Variants in KCNMA1 observed in about 807,000 individuals in gnomAD.
KCNMA1 encodes Calcium-activated potassium channel subunit alpha-1.
Under a neutral mutation model 140.0 loss-of-function variants are expected in KCNMA1, and 29 were observed. The observed-to-expected ratio is 0.21, with a 90% CI of 0.15 to 0.28. KCNMA1 has a LOEUF of 0.28. KCNMA1 is among the 10% of genes least tolerant of loss of function. The pLI is 1.00. For synonymous variants in KCNMA1, 612 were observed against 611.9 expected, an observed-to-expected ratio of 1.00 and a Z score of 0.00; for missense variants, 880 against 1,602.2, an observed-to-expected ratio of 0.55 and a Z score of 7.70.
chr10:77,072,302 G>A (rs2096243544), intron 14 of KCNMA1, among the ~76,000 whole-genome samples: 3 of 152,224 alleles, frequency 2.0e-5, no homozygotes, highest in South Asian at 4.1e-4. Context: ...AACAGTCTAA[G>A]GATGAGGACT....
intron 1 of KCNMA1, among the ~76,000 whole-genome samples, chr10:77,524,376 G>A (rs138320385): frequency 6.6e-6 from 1 of 152,272 alleles, no homozygotes; most frequent in East Asian, 1.9e-4. Flanking sequence ...GAGAAGCTTT[G>A]GCAGAGTTTG....
At chr10:77,411,550 A>C (rs557625652) in intron 1 of KCNMA1, among the ~76,000 whole-genome samples, 1 of 152,186 alleles carries the variant, frequency 6.6e-6, no homozygotes, top group Non-Finnish European at 1.5e-5. Context: ...TCTGATGCCA[A>C]AAAGGGACAC....
At chr10:77,447,717 G>T (rs376454025) in intron 1 of KCNMA1, among the ~76,000 whole-genome samples, 2 of 152,148 alleles carry the variant, frequency 1.3e-5, no homozygotes, top group African/African-American at 4.8e-5. Flanking sequence ...AAGAACAGGG[G>T]CTCATTGGTA....
chr10:77,433,527 G>C (rs953660448), intron 1 of KCNMA1: 3 of 152,142 alleles, frequency 2.0e-5, no homozygotes, highest in African/African-American at 7.2e-5. Flanking sequence ...CAAATCTCTA[G>C]GTAATTCTTC....
intron 2 of KCNMA1, among the ~76,000 whole-genome samples, chr10:77,302,398 T>C (rs1203372468): frequency 2.6e-5 from 4 of 152,112 alleles, no homozygotes; most frequent in African/African-American, 9.7e-5. Flanking sequence ...TCTTGGTCAC[T>C]CTGTGGGCCA....
chr10:77,258,051 T>C (rs1301954088), intron 2 of KCNMA1, among the ~76,000 whole-genome samples: 2 of 152,186 alleles, frequency 1.3e-5, no homozygotes, highest in Middle Eastern at 3.2e-3. Flanking sequence ...TCTGCCCCTA[T>C]AAGCAACATG....
At chr10:77,307,103 A>G (rs997661164) in intron 2 of KCNMA1, among the ~76,000 whole-genome samples, 1 of 152,156 alleles carries the variant, frequency 6.6e-6, no homozygotes, top group Non-Finnish European at 1.5e-5. Context: ...ATTTAACCCA[A>G]GCTCTACTAC....
At chr10:77,295,818 C>T (rs1162232677) in intron 2 of KCNMA1, among the ~76,000 whole-genome samples, 4 of 58,080 alleles carry the variant, frequency 6.9e-5, no homozygotes, top group Non-Finnish European at 1.4e-4. Flanking sequence ...AAAAAAAAAA[C>T]AGTTTTCAGC....
chr10:77,003,597 C>T (rs1384481673), intron 18 of KCNMA1, among the ~76,000 whole-genome samples: 4 of 151,916 alleles, frequency 2.6e-5, no homozygotes, highest in African/African-American at 7.3e-5. Flanking sequence ...TTTGCTTCAC[C>T]GTAGATAAAT....
rs376532210 is a variant in KCNMA1 at position 77,599,798 on chromosome 10, A to G, written c.378+37467T>C. Among the ~76,000 whole-genome samples, 23 of 152,264 alleles carry G rather than the reference A, an allele frequency of 1.5e-4. 1 individual carries two copies. In the South Asian group the frequency reaches 4.6e-3, roughly 30 times the overall value. The stretch of plus-strand genomic sequence containing the variant: ...ACTGCCTTTCAGGGTCAGGAGGAAC[A>G]AGGCCTGGGACCCGGAAGATAATGA... On this transcript the variant is annotated intron_variant, in intron 1 of 27. Transcript: ENST00000286628.
At chr10:77,601,622 T>C (rs920397692) in intron 1 of KCNMA1, among the ~76,000 whole-genome samples, 2 of 152,082 alleles carry the variant, frequency 1.3e-5, no homozygotes, top group Non-Finnish European at 2.9e-5. Context: ...CTGCATTTGG[T>C]TCCAAGACAG....
chr10:77,012,363 C>A, intron 17 of KCNMA1: 2 of 1,496,752 alleles, frequency 1.3e-6, no homozygotes, highest in Non-Finnish European at 1.8e-6. Flanking sequence ...TGATGCTACT[C>A]GTGGGGACAT....
intron 23 of KCNMA1, among the ~76,000 whole-genome samples, chr10:76,942,845 C>T (rs1271771746): frequency 6.6e-6 from 1 of 152,114 alleles, no homozygotes; most frequent in African/African-American, 2.4e-5. Context: ...TTTCCTTTCC[C>T]CTTGATGGTT....
At chr10:76,955,518 C>T (rs886634081) in intron 20 of KCNMA1, among the ~76,000 whole-genome samples, 1 of 152,190 alleles carries the variant, frequency 6.6e-6, no homozygotes, top group East Asian at 1.9e-4. Flanking sequence ...CTTCAACGAA[C>T]ATGCTAGACT....
intron 1 of KCNMA1, among the ~76,000 whole-genome samples, chr10:77,404,380 G>A (rs1221760400): frequency 2.0e-5 from 3 of 152,090 alleles, no homozygotes; most frequent in Admixed American, 6.6e-5. Context: ...CCAGGTGCAA[G>A]CAATTCTCAC....
At chr10:77,426,987 T>C (rs2097016890) in intron 1 of KCNMA1, among the ~76,000 whole-genome samples, 1 of 152,246 alleles carries the variant, frequency 6.6e-6, no homozygotes, top group Non-Finnish European at 1.5e-5. Flanking sequence ...GAATGTACTT[T>C]GATATCCTGT....
chr10:77,134,160 AAAG>A (rs1374666389), intron 5 of KCNMA1, among the ~76,000 whole-genome samples: 1 of 152,174 alleles, frequency 6.6e-6, no homozygotes, highest in Non-Finnish European at 1.5e-5. Flanking sequence ...AGCCCTCTGA[AAAG>A]AAGAATTTCT....
At chr10:76,937,546 T>C (rs1295134764) in intron 23 of KCNMA1, among the ~76,000 whole-genome samples, 1 of 152,240 alleles carries the variant, frequency 6.6e-6, no homozygotes, top group East Asian at 1.9e-4. Context: ...TCCTGTGGAT[T>C]TCATCCCAGA....
At chr10:77,402,648 G>A (rs1484592992) in intron 2 of KCNMA1, among the ~76,000 whole-genome samples, 1 of 152,130 alleles carries the variant, frequency 6.6e-6, no homozygotes, top group Admixed American at 6.5e-5. Flanking sequence ...ATAACATTGA[G>A]TTCTCCCCAA....
Sources: gnomAD v4.1 joint callset for allele counts (sites outside exome capture counted in the v4.1 genomes callset) on GRCh38, gnomAD v4.1.1 for gene constraint, MANE v1.5 for transcripts, NCBI Gene and HGNC (gene_info 2026-07-23, HGNC 2026-07-21) for gene names.